Variants in USP35 observed in about 807,000 individuals in gnomAD.
USP35 encodes the protein ubiquitin carboxyl-terminal hydrolase 35.
A neutral mutation model predicts 83.8 loss-of-function variants in USP35; 69 were observed. That is an observed-to-expected ratio of 0.82 (90% CI 0.68 to 1.01). The LOEUF (loss-of-function observed/expected upper bound fraction) is 1.01. Among genes scored for constraint, USP35 ranks in the 50% least tolerant of loss-of-function variants. The probability of loss-of-function intolerance (pLI) is 0.00; values close to 1 mark genes in which losing one functional copy is unlikely to be tolerated. For missense variants in USP35, 1,503 were observed against 1,362.5 expected (o/e 1.10, Z -1.62); for synonymous variants, 714 against 589.5 (o/e 1.21, Z -3.06).
the USP35 span, among the ~76,000 whole-genome samples, chr11:78,232,488 T>TA: frequency 1.3e-5 from 2 of 152,238 alleles, no homozygotes; most frequent in Admixed American, 1.3e-4. Context: ...AAAAGAACTC[T>TA]ATTTGTCTTG....
rs115848453 is a variant in USP35, at chr11:78,200,178, T to C, written c.982T>C (p.Ser328Pro). 8.4e-4 allele frequency: 1,361 copies of C among 1,614,200 alleles called. 13 individuals are homozygous for C. The African/African-American group carries it at 0.016, about 20-fold the overall frequency. Residue 328 changes from serine to proline, a missense_variant, in exon 5 of 11, where the codon TCT (serine) becomes CCT (proline). Transcript: ENST00000529308. ...CCCCATCGTCCGGGGAGCTGCCTTG[T>C]CTGTGCTCAAGTACATGCTCCTGAC... ...LYPIVRGAAL[S>P]VLKYMLLTFQ...
Position 78,206,018 on chromosome 11 carries a change from C to T in USP35, c.1374C>T (p.Ala458=), listed in dbSNP as rs199568923. ...NTCYVNSILQ[A]LFMASDFRHC... is the part of the protein sequence containing the mutation. ...GCTATGTCAACAGCATCCTTCAGGC[C>T]TTATTCATGGCGTCTGAGTAGGTGC... is the stretch of plus-strand genomic sequence containing the variant. Residue 458 remains alanine (A), a synonymous_variant, in exon 7 of 11, where the codon GCC becomes GCT. Coordinates refer to ENST00000529308, the MANE Select transcript of USP35 (RefSeq NM_020798.4). 1,859 of 1,613,388 alleles carry T rather than the reference C, an allele frequency of 1.2e-3. 33 individuals are homozygous for T. The highest frequency in any genetic ancestry group is 1.8e-3 in the Middle Eastern group (11 of 6,052).
chr11:78,225,428 T>G, the USP35 span, among the ~76,000 whole-genome samples: 4 of 152,222 alleles, frequency 2.6e-5, no homozygotes, highest in Non-Finnish European at 5.9e-5. Flanking sequence ...AAGCTGTCCT[T>G]GACTACTCTA....
intron 7 of USP35, among the ~76,000 whole-genome samples, chr11:78,206,416 A>G (rs953330302): frequency 6.6e-6 from 1 of 152,224 alleles, no homozygotes; most frequent in Admixed American, 6.5e-5. Context: ...TTTATAGTCT[A>G]TGGCCACCTA....
chr11:78,194,592 A>C (rs2137024761), intron 1 of USP35, among the ~76,000 whole-genome samples: 1 of 152,324 alleles, frequency 6.6e-6, no homozygotes, highest in Non-Finnish European at 1.5e-5. Context: ...AGATGTTAAG[A>C]GAGCAAGCTG....
chr11:78,219,845 C>A (rs1436870659), downstream of USP35, among the ~76,000 whole-genome samples: 1 of 152,184 alleles, frequency 6.6e-6, no homozygotes, highest in Non-Finnish European at 1.5e-5. Flanking sequence ...CATGCTGAGG[C>A]ACAGCTCTGC....
At chr11:78,194,576 C>T (rs879054606) in intron 1 of USP35, among the ~76,000 whole-genome samples, 10 of 152,132 alleles carry the variant, frequency 6.6e-5, no homozygotes, top group South Asian at 4.1e-4. Context: ...AGAGGCATTA[C>T]GTGTTAGATG....
At chr11:78,225,023 T>C in the USP35 span, 2 of 813,170 alleles carry the variant, frequency 2.5e-6, no homozygotes, top group Non-Finnish European at 4.2e-6. Flanking sequence ...CATCAATCTT[T>C]TGGGGTTGTG....
the USP35 span, among the ~76,000 whole-genome samples, chr11:78,231,181 C>A: frequency 6.6e-6 from 1 of 152,170 alleles, no homozygotes; most frequent in African/African-American, 2.4e-5. Context: ...TATGGGAGCT[C>A]CCCAGAATCA....
chr11:78,199,804 A>G, intron 4 of USP35, 80 bp downstream of exon 4: 4 of 1,601,820 alleles, frequency 2.5e-6, no homozygotes, highest in Non-Finnish European at 3.4e-6. Context: ...CTGGGAGGTC[A>G]GAGCATTGGG....
the USP35 span, among the ~76,000 whole-genome samples, chr11:78,221,144 T>C: frequency 1.3e-5 from 2 of 152,254 alleles, no homozygotes; most frequent in East Asian, 1.9e-4. Context: ...GAGAAGGTGA[T>C]AGTCCTGTGT....
At chr11:78,206,158 A>G (rs1863525117) in intron 7 of USP35, 123 bp downstream of exon 7, 3 of 1,267,882 alleles carry the variant, frequency 2.4e-6, no homozygotes, top group Non-Finnish European at 1.1e-6. Context: ...CATTGCCAGC[A>G]TGATTCCCTG....
chr11:78,194,785 CTG>C (rs1225319016), intron 1 of USP35, among the ~76,000 whole-genome samples: 2 of 152,298 alleles, frequency 1.3e-5, no homozygotes, highest in South Asian at 2.1e-4. Context: ...CTGCTGGGCA[CTG>C]TGCTAGGTGC....
chr11:78,234,616 T>G, the USP35 span, among the ~76,000 whole-genome samples: 1 of 148,606 alleles, frequency 6.7e-6, no homozygotes, highest in Non-Finnish European at 1.5e-5. Flanking sequence ...TATTTATATA[T>G]GCATTTAAAA....
At chr11:78,213,219 C>T (rs1404788242) in intron 10 of USP35, among the ~76,000 whole-genome samples, 3 of 152,152 alleles carry the variant, frequency 2.0e-5, no homozygotes, top group East Asian at 1.9e-4. Flanking sequence ...CCATGCTGTC[C>T]AGATGGAGGC....
At chr11:78,195,436 T>G (rs1675742948) in intron 1 of USP35, among the ~76,000 whole-genome samples, 1 of 151,468 alleles carries the variant, frequency 6.6e-6, no homozygotes, top group Non-Finnish European at 1.5e-5. Flanking sequence ...GAGCAGGGAG[T>G]TGAGGCAGAA....
the USP35 span, among the ~76,000 whole-genome samples, chr11:78,223,189 C>G: frequency 6.6e-6 from 1 of 152,144 alleles, no homozygotes; most frequent in African/African-American, 2.4e-5. Flanking sequence ...TTACTGAACG[C>G]CTGCTATGTA....
Position 78,196,638 on chromosome 11 carries a change from C to G in USP35, c.393C>G (p.Thr131=), listed in dbSNP as rs1863155231. ...FALLRREVLR[T]VCERPGPAAC... Reference sequence around the variant, plus strand: ...TGCTGCGGCGCGAGGTGCTGCGCACCGTGTGCGAGCGCCCGGGCCCCGCGG... The same window carrying G: ...TGCTGCGGCGCGAGGTGCTGCGCACGGTGTGCGAGCGCCCGGGCCCCGCGG... The change falls in exon 2 of 11, where the codon ACC becomes ACG. Residue 131 remains threonine (T), a synonymous_variant. Coordinates refer to ENST00000529308, the MANE Select transcript of USP35 (RefSeq NM_020798.4). The surrounding 1 kb of genome is among the most constrained non-coding windows in gnomAD (Gnocchi z 4.8). The G allele has an allele frequency of 8.8e-6, 12 of 1,364,752 alleles. No homozygotes were observed. The highest frequency in any genetic ancestry group is 3.9e-5 in the Admixed American group (1 of 25,326). The allele number at this position is 1,364,752 out of a possible 1,614,324, so 84.5% of individuals were successfully genotyped here. A position where few individuals can be genotyped will look rare whatever the true frequency, so the allele number is the denominator to read the frequency against.
At chr11:78,223,476 G>A in the USP35 span, 1 of 1,601,512 alleles carries the variant, frequency 6.2e-7, no homozygotes, top group Non-Finnish European at 8.5e-7. Context: ...CTCTGCTGGG[G>A]CCTCGGTGCA....
Sources: allele counts gnomAD v4.1 joint callset (sites outside exome capture counted in the v4.1 genomes callset), GRCh38; gene constraint gnomAD v4.1.1; non-coding constraint Gnocchi (gnomAD v3.1); transcripts MANE v1.5; gene names NCBI Gene and HGNC (gene_info 2026-07-23, HGNC 2026-07-21).